Variants in SLC35A3 observed in about 807,000 individuals in gnomAD.
SLC35A3 encodes solute carrier family 35 member A3.
Under a neutral mutation model 39.0 loss-of-function variants are expected in SLC35A3, and 26 were observed. That is an observed-to-expected ratio of 0.67 (90% CI 0.49 to 0.92). SLC35A3 has a LOEUF of 0.92. SLC35A3 is among the 40% of genes least tolerant of loss of function. The probability of loss-of-function intolerance (pLI) is 0.00; values close to 1 mark genes in which losing one functional copy is unlikely to be tolerated. For synonymous variants in SLC35A3, 135 were observed against 133.1 expected, an observed-to-expected ratio of 1.01 and a Z score of -0.10; for missense variants, 299 against 371.6, an observed-to-expected ratio of 0.80 and a Z score of 1.61.
intron 1 of SLC35A3, among the ~76,000 whole-genome samples, chr1:99,974,181 A>G (rs1656976777): frequency 6.6e-6 from 1 of 152,210 alleles, no homozygotes; most frequent in Non-Finnish European, 1.5e-5. Context: ...CATATATGCT[A>G]TAAAACCAAT....
intron 3 of SLC35A3, among the ~76,000 whole-genome samples, chr1:100,003,397 C>T (rs1179146616): frequency 1.3e-4 from 9 of 69,970 alleles, no homozygotes; most frequent in Admixed American, 2.4e-4. Flanking sequence ...GCCTGGGCAA[C>T]AAGATTGAAA....
Position 100,022,432 on chromosome 1 carries a change from T to G in SLC35A3, c.934T>G (p.Tyr312Asp), listed in dbSNP as rs1188686493. ...CCTTGTAATAACAGCTACTTTTTTG[T>G]ATGGTTATGATCCCAAACCTGCAGG... ...AILVITATFL[Y>D]GYDPKPAGNP... Residue 312 changes from tyrosine (Y) to aspartate (D), a missense_variant, in exon 8 of 8, where the codon TAT becomes GAT. Tyr to Asp is a radical substitution (Grantham distance 160, BLOSUM62 -3). Transcript: ENST00000533028. 3 of 1,607,272 alleles carry G rather than the reference T, an allele frequency of 1.9e-6. No homozygotes were observed. The highest frequency in any genetic ancestry group is 2.6e-6 in the Non-Finnish European group (3 of 1,174,712).
intron 2 of SLC35A3, among the ~76,000 whole-genome samples, chr1:99,997,408 TTTTATATATATATATATA>T (rs1244677030): frequency 4.7e-4 from 26 of 55,722 alleles, no homozygotes; most frequent in African/African-American, 6.7e-4. Context: ...TTATATATAG[TTTTATATATATATATATA>T]TATATATATA....
intron 5 of SLC35A3, among the ~76,000 whole-genome samples, chr1:100,013,387 T>C (rs1358535150): frequency 1.4e-5 from 2 of 144,478 alleles, no homozygotes; most frequent in East Asian, 2.0e-4. Flanking sequence ...CCGAGGCAGG[T>C]GGATTGTTTG....
At chr1:100,019,935 G>A (rs1333397619) in intron 7 of SLC35A3, among the ~76,000 whole-genome samples, 1 of 152,094 alleles carries the variant, frequency 6.6e-6, no homozygotes, top group Non-Finnish European at 1.5e-5. Context: ...ATTTAGGGTT[G>A]CTTATTCTTT....
chr1:100,014,954 C>T (rs1054112201), intron 5 of SLC35A3, among the ~76,000 whole-genome samples: 1 of 151,900 alleles, frequency 6.6e-6, no homozygotes, highest in African/African-American at 2.4e-5. Context: ...GTCAGGAGAT[C>T]GAGACTAGCC....
rs995091157 is a variant in SLC35A3, at chr1:100,033,950, T to A, written c.*11474T>A. ...AGGAGGGCTTGTAAGTACTGTACAA[T>A]ATTCTCTGAGTTGTGACATGTTTAA... On this transcript the variant is annotated 3_prime_UTR_variant, in exon 8 of 8. Transcript: ENST00000533028. The A allele has an allele frequency of 6.6e-6, 1 of 152,220 alleles. No homozygotes were observed. Among genetic ancestry groups the A allele is most frequent in the Non-Finnish European group, 1.5e-5 (1 of 68,034 alleles). The allele number at this position is 152,220 out of a possible 1,614,324, so 9.4% of individuals were successfully genotyped here.
rs1661093076 is a variant in SLC35A3 at position 100,029,263 on chromosome 1, T to C, written c.*6787T>C. On this transcript the variant is annotated 3_prime_UTR_variant, in exon 8 of 8. Transcript: ENST00000533028. ...TGTCTAAGGAACCCACAATGAATAA[T>C]AAAGACATTCCTATCAGTGAGAACT... 6.6e-6 allele frequency: 1 copy of C among 152,064 alleles called. No individual in the cohort carries two copies. The highest frequency in any genetic ancestry group is 1.5e-5 in the Non-Finnish European group (1 of 68,012). 9.4% of individuals were successfully genotyped at this position (152,064 alleles called of 1,614,324 possible). A position where few individuals can be genotyped will look rare whatever the true frequency, so the allele number is the denominator to read the frequency against.
At chr1:99,987,829 T>C (rs905244769) in intron 1 of SLC35A3, among the ~76,000 whole-genome samples, 3 of 152,080 alleles carry the variant, frequency 2.0e-5, no homozygotes, top group African/African-American at 7.2e-5. Context: ...TAGGTAGAAG[T>C]TGGACTCATG....
intron 3 of SLC35A3, among the ~76,000 whole-genome samples, chr1:100,004,057 T>G (rs1355497310): frequency 1.3e-5 from 2 of 152,246 alleles, no homozygotes; most frequent in African/African-American, 4.8e-5. Context: ...TATGATTTTT[T>G]AAATCCATTT....
chr1:99,980,624 C>T (rs749946255), intron 1 of SLC35A3, among the ~76,000 whole-genome samples: 41 of 152,116 alleles, frequency 2.7e-4, no homozygotes, highest in Non-Finnish European at 5.3e-4. Context: ...CTGTAACTTA[C>T]GTACAGGTGA....
rs757794080 is a variant in SLC35A3 at position 99,999,247 on chromosome 1, A to G, written c.188-14A>G. On this transcript the variant is annotated splice_polypyrimidine_tract_variant and intron_variant, in intron 2 of 7. Coordinates refer to ENST00000533028, the MANE Select transcript of SLC35A3 (RefSeq NM_012243.3). The stretch of plus-strand genomic sequence containing the variant: ...AGTTACTTAATTACTGATTTTTCTC[A>G]TATTATTTTCTAGAATGTAGTCTAA... 8 of 1,473,770 alleles carry G rather than the reference A, an allele frequency of 5.4e-6. No individual in the cohort carries two copies. Among genetic ancestry groups the G allele is most frequent in the Admixed American group, 2.4e-5 (1 of 41,226 alleles). 91.3% of individuals were successfully genotyped at this position (1,473,770 alleles called of 1,614,324 possible).
At chr1:99,993,841 C>T in intron 2 of SLC35A3, 100 bp downstream of exon 2, 2 of 1,002,760 alleles carry the variant, frequency 2.0e-6, no homozygotes, top group South Asian at 1.6e-5. Flanking sequence ...GTCGAATGGC[C>T]TAGTATGAAG....
chr1:99,993,494 T>C, intron 1 of SLC35A3, 43 bp from the exon 2 acceptor site: 1 of 1,535,242 alleles, frequency 6.5e-7, no homozygotes, highest in Non-Finnish European at 8.9e-7. Flanking sequence ...AGTTTTCATA[T>C]GTTGTAATCT....
chr1:99,971,290 C>T (rs916770516), intron 1 of SLC35A3, among the ~76,000 whole-genome samples: 9 of 151,902 alleles, frequency 5.9e-5, no homozygotes, highest in African/African-American at 2.2e-4. Flanking sequence ...GACGGTGGCT[C>T]CAGTAAAATC....
chr1:100,029,473 C>T lies in SLC35A3; in HGVS notation c.*6997C>T, dbSNP rs1330678656. The T allele has an allele frequency of 7.2e-6, 1 of 139,842 alleles. No individual in the cohort carries two copies. Among genetic ancestry groups the T allele is most frequent in the Non-Finnish European group, 1.5e-5 (1 of 66,388 alleles). The allele number at this position is 139,842 out of a possible 1,614,324, so 8.7% of individuals were successfully genotyped here. On this transcript the variant is annotated 3_prime_UTR_variant, in exon 8 of 8. Transcript: ENST00000533028. ...TGAGATGGAGTCTCGCTCTGTCACT[C>T]AGGCTGGAGTTCAGCGGCACGATCT... is the stretch of plus-strand genomic sequence containing the variant.
At chr1:100,015,535 C>A in intron 6 of SLC35A3, 115 bp downstream of exon 6, 2 of 1,127,876 alleles carry the variant, frequency 1.8e-6, no homozygotes, top group Non-Finnish European at 2.4e-6. Flanking sequence ...TGTTAGTGCT[C>A]TCGTATCTAG....
In SLC35A3 at chr1:100,031,772, G is replaced by T. The variant is rs1189094527; in HGVS notation, c.*9296G>T. On this transcript the variant is annotated 3_prime_UTR_variant, in exon 8 of 8. Transcript: ENST00000533028. ...TATAGCTTTTTTGTTTTGGAACGAG[G>T]GTAAAATCAAGGTTAATGCTTTGTA... is the stretch of plus-strand genomic sequence containing the variant. The T allele has an allele frequency of 1.3e-5, 2 of 152,028 alleles. No individual in the cohort carries two copies. The highest frequency in any genetic ancestry group is 4.8e-5 in the African/African-American group (2 of 41,400). 9.4% of individuals were successfully genotyped at this position (152,028 alleles called of 1,614,324 possible). A position where few individuals can be genotyped will look rare whatever the true frequency, so the allele number is the denominator to read the frequency against.
chr1:100,004,341 A>G (rs1284508764), intron 3 of SLC35A3, among the ~76,000 whole-genome samples: 1 of 152,134 alleles, frequency 6.6e-6, no homozygotes, highest in Non-Finnish European at 1.5e-5. Flanking sequence ...GTCTGGCTCT[A>G]TCACCCAGGC....
Sources: gnomAD v4.1 joint callset for allele counts (sites outside exome capture counted in the v4.1 genomes callset) on GRCh38, gnomAD v4.1.1 for gene constraint, MANE v1.5 for transcripts, NCBI Gene and HGNC (gene_info 2026-07-23, HGNC 2026-07-21) for gene names.